The following SCHIP1 variants were observed in gnomAD, a reference collection of about 807,000 sequenced individuals.
SCHIP1 encodes schwannomin interacting protein 1.
In SCHIP1, 8 loss-of-function variants were observed where a neutral mutation model predicts 29.7. That is an observed-to-expected ratio of 0.27 (90% confidence interval 0.16 to 0.49). The LOEUF (loss-of-function observed/expected upper bound fraction) is 0.49. SCHIP1 is among the 20% of genes least tolerant of loss of function. The pLI is 0.99. For missense variants in SCHIP1, 193 were observed against 294.6 expected (o/e 0.66, Z 2.52); for synonymous variants, 76 against 94.9 (o/e 0.80, Z 1.16).
chr3:159,787,572 T>A, the SCHIP1 span, among the ~76,000 whole-genome samples: 1 of 152,238 alleles, frequency 6.6e-6, no homozygotes, highest in African/African-American at 2.4e-5. Flanking sequence ...ATCTGCTATA[T>A]GAAATAAGAA....
chr3:159,364,998 G>C, the SCHIP1 span, among the ~76,000 whole-genome samples: 1 of 152,082 alleles, frequency 6.6e-6, no homozygotes, highest in Non-Finnish European at 1.5e-5. Flanking sequence ...GCACCTAATA[G>C]GCTTGGAGTT....
chr3:159,502,991 C>T, the SCHIP1 span, among the ~76,000 whole-genome samples: 1 of 152,174 alleles, frequency 6.6e-6, no homozygotes, highest in Non-Finnish European at 1.5e-5. Context: ...TCTCCAGACC[C>T]GCCAATCAGA....
chr3:159,814,477 G>T, the SCHIP1 span, among the ~76,000 whole-genome samples: 178 of 152,318 alleles, frequency 1.2e-3, 1 homozygote, highest in African/African-American at 4.2e-3. Context: ...AATTCCTCTC[G>T]CGGGTATAGC....
At chr3:159,590,812 T>C in the SCHIP1 span, among the ~76,000 whole-genome samples, 1 of 152,190 alleles carries the variant, frequency 6.6e-6, no homozygotes, top group South Asian at 2.1e-4. Context: ...GTTCCATTTA[T>C]TGTCCTCTGT....
At chr3:159,365,084 A>G in the SCHIP1 span, among the ~76,000 whole-genome samples, 1 of 152,198 alleles carries the variant, frequency 6.6e-6, no homozygotes, top group Non-Finnish European at 1.5e-5. Flanking sequence ...CAGTGATGCC[A>G]TGGAGCAATG....
the SCHIP1 span, among the ~76,000 whole-genome samples, chr3:159,530,650 T>C: frequency 2.6e-5 from 4 of 152,120 alleles, no homozygotes; most frequent in South Asian, 6.2e-4. Context: ...GTCCTTGGAG[T>C]GCTCCACGGA....
At chr3:159,600,756 T>G in the SCHIP1 span, among the ~76,000 whole-genome samples, 1 of 152,232 alleles carries the variant, frequency 6.6e-6, no homozygotes, top group African/African-American at 2.4e-5. Context: ...ACATTTCCTG[T>G]GCTCTTACAT....
At chr3:159,581,478 G>A in the SCHIP1 span, among the ~76,000 whole-genome samples, 26 of 152,180 alleles carry the variant, frequency 1.7e-4, no homozygotes, top group African/African-American at 5.5e-4. Context: ...ACCCGCGCCA[G>A]CAAAGACCAA....
chr3:159,582,801 C>T, the SCHIP1 span, among the ~76,000 whole-genome samples: 3 of 151,266 alleles, frequency 2.0e-5, no homozygotes, highest in African/African-American at 7.3e-5. Flanking sequence ...CACACACACA[C>T]ACACACACAC....
chr3:159,891,159 CAGG>C (rs961516277), intron 5 of SCHIP1, among the ~76,000 whole-genome samples: 1 of 152,100 alleles, frequency 6.6e-6, no homozygotes, highest in African/African-American at 2.4e-5. Context: ...ATCACGAGGT[CAGG>C]AGATCAAGAC....
At chr3:159,605,466 T>C in the SCHIP1 span, among the ~76,000 whole-genome samples, 1 of 152,188 alleles carries the variant, frequency 6.6e-6, no homozygotes, top group Admixed American at 6.5e-5. Flanking sequence ...GAGATCTTCC[T>C]GACCAATCCT....
the SCHIP1 span, among the ~76,000 whole-genome samples, chr3:159,326,967 C>T: frequency 6.7e-6 from 1 of 149,734 alleles, no homozygotes; most frequent in East Asian, 2.0e-4. Flanking sequence ...AAATAAGAAA[C>T]TTTTAAAAAC....
At chr3:159,535,306 C>T in the SCHIP1 span, among the ~76,000 whole-genome samples, 1 of 152,180 alleles carries the variant, frequency 6.6e-6, no homozygotes, top group African/African-American at 2.4e-5. Context: ...CATTCTTCTA[C>T]AGGTATATGG....
Position 159,842,997 on chromosome 3 carries a change from C to CTTTTTTTTTTTTTTTTTTTTTT in SCHIP1, c.30+2786_30+2787insTTTTTTTTTTTTTTTTTTTTTT, listed in dbSNP as rs1440922016. 1.2e-3 allele frequency among the ~76,000 whole-genome samples: 75 copies of CTTTTTTTTTTTTTTTTTTTTTT among 61,742 alleles called. 18 individuals carry two copies. The highest frequency in any genetic ancestry group is 5.8e-3 in the East Asian group (14 of 2,428). 40.5% of individuals were successfully genotyped at this position (61,742 alleles called of 152,430 possible). On this transcript the variant is annotated intron_variant, in intron 1 of 6. Coordinates refer to ENST00000445224, the Ensembl canonical transcript of SCHIP1. ...GCTCTCCAGTTCTATCCCAATATTT[C>CTTTTTTTTTTTTTTTTTTTTTT]TTTCTTTTTTTTTTTTTTTTTTTTT...
the SCHIP1 span, among the ~76,000 whole-genome samples, chr3:159,483,294 G>A: frequency 6.6e-6 from 1 of 152,112 alleles, no homozygotes; most frequent in Middle Eastern, 3.4e-3. Context: ...GCTTTACTGG[G>A]TCTACACAGA....
At chr3:159,424,156 G>A in the SCHIP1 span, among the ~76,000 whole-genome samples, 18 of 151,942 alleles carry the variant, frequency 1.2e-4, no homozygotes, top group South Asian at 2.1e-4. Flanking sequence ...CCAGAGGAAC[G>A]CAGTTCCTCA....
the SCHIP1 span, among the ~76,000 whole-genome samples, chr3:159,467,616 T>C: frequency 1.3e-5 from 2 of 151,980 alleles, no homozygotes; most frequent in Non-Finnish European, 2.9e-5. Flanking sequence ...TAATTAGAAA[T>C]AGTTATTTTG....
the SCHIP1 span, among the ~76,000 whole-genome samples, chr3:159,339,175 G>A: frequency 1.4e-3 from 212 of 151,198 alleles, 1 homozygote; most frequent in African/African-American, 4.9e-3. Flanking sequence ...TATATTATGA[G>A]CCCCTTTCAG....
chr3:159,627,705 A>T, the SCHIP1 span, among the ~76,000 whole-genome samples: 1 of 152,202 alleles, frequency 6.6e-6, no homozygotes, highest in Non-Finnish European at 1.5e-5. Flanking sequence ...TCTGAAGAAC[A>T]ACTTGATAGG....
Sources: gnomAD v4.1 joint callset for allele counts (sites outside exome capture counted in the v4.1 genomes callset) on GRCh38, gnomAD v4.1.1 for gene constraint, MANE v1.5 for transcripts, NCBI Gene and HGNC (gene_info 2026-07-23, HGNC 2026-07-21) for gene names.